SUMF1: variants seen among roughly 807,000 people sequenced by gnomAD.
SUMF1 encodes the protein formylglycine-generating enzyme.
SUMF1 carries 48 observed loss-of-function variants against 47.6 expected under a neutral mutation model. The observed-to-expected ratio is 1.01, with a 90% CI of 0.80 to 1.28. The LOEUF (loss-of-function observed/expected upper bound fraction) is 1.28, where lower values mean the gene tolerates loss of function less well. SUMF1 is among the 50% of genes most tolerant of loss of function. The pLI is 0.00. For synonymous variants in SUMF1, 230 were observed against 192.1 expected (o/e 1.20, Z -1.63); for missense variants, 571 against 485.4 (o/e 1.18, Z -1.66).
Position 4,457,058 on chromosome 3 carries a change from G to GTATATATA in SUMF1, c.271-4017_271-4010dup, listed in dbSNP as rs373828142. ...TGTGTGTATATATATATACGTGTGT[G>GTATATATA]TATATATATATATATACGTGTGTGT... On this transcript the variant is annotated intron_variant, in intron 1 of 8. Transcript: ENST00000272902. Among the ~76,000 whole-genome samples the GTATATATA allele has an allele frequency of 9.3e-5, 8 of 86,096 alleles. No individual in the cohort carries two copies. In the East Asian group the frequency reaches 1.0e-3, roughly 11 times the overall value. 56.5% of individuals were successfully genotyped at this position (86,096 alleles called of 152,430 possible).
chr3:4,217,514 T>TATATATATATATATAAATATATATA (rs1553610066), intron 8 of SUMF1, among the ~76,000 whole-genome samples: 1 of 45,198 alleles, frequency 2.2e-5, no homozygotes, highest in African/African-American at 1.0e-4. Context: ...AAAGTATTTT[T>TATATATATATATATAAATATATATA]TATATATATA....
At chr3:4,339,713 T>A (rs1051538914) in intron 8 of SUMF1, among the ~76,000 whole-genome samples, 10 of 152,186 alleles carry the variant, frequency 6.6e-5, no homozygotes, top group Non-Finnish European at 1.2e-4. Context: ...ATCTGGGCAA[T>A]GCACACAACA....
intron 8 of SUMF1, among the ~76,000 whole-genome samples, chr3:4,326,019 A>C (rs185148162): frequency 5.2e-4 from 79 of 152,278 alleles, no homozygotes; most frequent in Non-Finnish European, 8.8e-4. Flanking sequence ...ACAGGGTTTC[A>C]CCATGTTGGC....
chr3:4,245,199 G>A (rs1014545376), intron 8 of SUMF1, among the ~76,000 whole-genome samples: 5 of 151,842 alleles, frequency 3.3e-5, no homozygotes, highest in East Asian at 1.9e-4. Context: ...CCTTTAGCTC[G>A]GAGAAGTTTG....
At chr3:4,404,659 G>A (rs746253895) in intron 7 of SUMF1, among the ~76,000 whole-genome samples, 3 of 152,178 alleles carry the variant, frequency 2.0e-5, no homozygotes, top group Non-Finnish European at 2.9e-5. Flanking sequence ...AGCTACTTGC[G>A]AGGCTGAGGC....
At chr3:4,157,416 T>TTACAGG (rs995770183) in intron 8 of SUMF1, among the ~76,000 whole-genome samples, 1 of 151,658 alleles carries the variant, frequency 6.6e-6, no homozygotes, top group African/African-American at 2.4e-5. Context: ...TTTATCAACA[T>TTACAGG]TACAGGTATT....
rs140029191 is a variant in SUMF1, at chr3:4,110,329, C to T, written c.1015-41584G>A. Among the ~76,000 whole-genome samples the T allele has an allele frequency of 2.5e-3, 383 of 152,168 alleles. 7 individuals carry two copies. Among genetic ancestry groups the T allele is most frequent in the Middle Eastern group, 0.014 (4 of 294 alleles). ...CCCAGACATGTGAGGTATCAGTCTG[C>T]CACTACTGGGGGATGCCTCCTAGTT... On this transcript the variant is annotated intron_variant and NMD_transcript_variant, in intron 8 of 12. Coordinates refer to the SUMF1 transcript ENST00000448413.
At chr3:4,267,350 G>T (rs1697216652) in intron 8 of SUMF1, among the ~76,000 whole-genome samples, 1 of 152,210 alleles carries the variant, frequency 6.6e-6, no homozygotes, top group Non-Finnish European at 1.5e-5. Flanking sequence ...GAATCCATCT[G>T]GTCCTGGACT....
chr3:4,165,359 T>C (rs1574942419), intron 8 of SUMF1, among the ~76,000 whole-genome samples: 1 of 152,196 alleles, frequency 6.6e-6, no homozygotes, highest in East Asian at 1.9e-4. Context: ...CCCTTACAGC[T>C]TGAAGAGGAC....
intron 7 of SUMF1, among the ~76,000 whole-genome samples, chr3:4,392,607 GTGTGTGTGTATATA>G (rs1700903920): frequency 1.1e-5 from 1 of 95,142 alleles, no homozygotes; most frequent in African/African-American, 3.9e-5. Flanking sequence ...GTGTGTGTGT[GTGTGTGTGTATATA>G]TATATATATA....
chr3:4,385,543 T>C (rs919531893), intron 7 of SUMF1, among the ~76,000 whole-genome samples: 2 of 152,204 alleles, frequency 1.3e-5, no homozygotes, highest in Non-Finnish European at 2.9e-5. Context: ...GTCAGATATA[T>C]GGGTTGCGAA....
intron 3 of SUMF1, among the ~76,000 whole-genome samples, chr3:4,426,945 A>T (rs1702086102): frequency 6.6e-6 from 1 of 152,204 alleles, no homozygotes; most frequent in Admixed American, 6.5e-5. Context: ...TGTAAATAGG[A>T]CCCACGTGAG....
chr3:4,229,300 T>C (rs748492170), intron 8 of SUMF1: 19 of 400,634 alleles, frequency 4.7e-5, no homozygotes, highest in East Asian at 1.9e-4. Flanking sequence ...TAGGTGTGTA[T>C]GTTCCATTCC....
chr3:4,034,789 G>A (rs1231298584), intron 9 of SUMF1, among the ~76,000 whole-genome samples: 1 of 151,976 alleles, frequency 6.6e-6, no homozygotes. Flanking sequence ...CATAGAGGTA[G>A]GTATAAGTAG....
chr3:4,279,331 A>C (rs554137267), intron 8 of SUMF1, among the ~76,000 whole-genome samples: 10 of 152,318 alleles, frequency 6.6e-5, no homozygotes, highest in Non-Finnish European at 1.5e-4. Context: ...GAAACAAAAC[A>C]ATCAAGGGCC....
intron 9 of SUMF1, among the ~76,000 whole-genome samples, chr3:4,065,920 A>T (rs1034804837): frequency 2.6e-5 from 4 of 152,086 alleles, no homozygotes; most frequent in African/African-American, 7.2e-5. Context: ...ATGACAGGGG[A>T]AAAAATGAGG....
intron 8 of SUMF1, among the ~76,000 whole-genome samples, chr3:4,082,736 TA>T (rs1487777162): frequency 6.6e-6 from 1 of 152,110 alleles, no homozygotes; most frequent in Non-Finnish European, 1.5e-5. Context: ...ATAGACATTT[TA>T]AAAAGAGAGA....
intron 8 of SUMF1, among the ~76,000 whole-genome samples, chr3:4,252,567 T>C (rs1447521747): frequency 6.6e-6 from 1 of 152,196 alleles, no homozygotes; most frequent in Non-Finnish European, 1.5e-5. Context: ...GCCTGCCTTT[T>C]TGCCATTTTT....
At chr3:4,343,661 G>A (rs1253979680) in intron 8 of SUMF1, among the ~76,000 whole-genome samples, 1 of 152,178 alleles carries the variant, frequency 6.6e-6, no homozygotes, top group Non-Finnish European at 1.5e-5. Flanking sequence ...ATTAGTTTTA[G>A]AATAAAGAAG....
Sources: gnomAD v4.1 joint callset for allele counts (sites outside exome capture counted in the v4.1 genomes callset) on GRCh38, gnomAD v4.1.1 for gene constraint, MANE v1.5 for transcripts, NCBI Gene and HGNC (gene_info 2026-07-23, HGNC 2026-07-21) for gene names.